LOXL2: variants seen among roughly 807,000 people sequenced by gnomAD.
The protein encoded by LOXL2 is lysyl oxidase like 2.
In LOXL2, 70 loss-of-function variants were observed where a neutral mutation model predicts 93.0. The ratio of observed to expected loss-of-function variants is 0.75; its 90% CI spans 0.62 to 0.92. The LOEUF is 0.92. LOXL2 is among the 40% of genes least tolerant of loss of function. The pLI is 0.00. For missense variants in LOXL2, 973 were observed against 1,054.9 expected (o/e 0.92, Z 1.08); for synonymous variants, 438 against 413.2 (o/e 1.06, Z -0.73).
At chr8:23,330,268 A>G (rs1336399618) in intron 5 of LOXL2, among the ~76,000 whole-genome samples, 1 of 152,248 alleles carries the variant, frequency 6.6e-6, no homozygotes, top group African/African-American at 2.4e-5. Flanking sequence ...CGGGAGGCGG[A>G]GCTTGCAGTG....
intron 10 of LOXL2, among the ~76,000 whole-genome samples, chr8:23,305,220 A>G (rs998279970): frequency 7.2e-5 from 11 of 152,218 alleles, no homozygotes; most frequent in Non-Finnish European, 1.0e-4. Context: ...GAAGAGAAAT[A>G]GGTTGATGCT....
chr8:23,307,134 C>T (rs1300224346), intron 10 of LOXL2, among the ~76,000 whole-genome samples: 1 of 152,188 alleles, frequency 6.6e-6, no homozygotes, highest in East Asian at 1.9e-4. Context: ...TGCAAATCTG[C>T]TGACATAGGC....
chr8:23,382,876 C>T (rs17768910), intron 1 of LOXL2, among the ~76,000 whole-genome samples: 17,869 of 152,144 alleles, frequency 0.12, 1,307 homozygotes, highest in Admixed American at 0.17. Context: ...ATTCTCTCTA[C>T]GTGCTGCATC....
chr8:23,317,056 T>G lies in LOXL2; in HGVS notation c.1529A>C (p.Lys510Thr), dbSNP rs781365662. The G allele has an allele frequency of 1.6e-5, 26 of 1,614,200 alleles. No individual in the cohort carries two copies. The highest frequency in any genetic ancestry group is 2.1e-5 in the Non-Finnish European group (25 of 1,180,030). The change falls in exon 9 of 14, where the codon AAG (lysine) becomes ACG (threonine). Residue 510 changes from lysine to threonine, a missense_variant. Lys to Thr is a moderately conservative substitution (Grantham distance 78, BLOSUM62 -1). Coordinates refer to ENST00000389131, the MANE Select transcript of LOXL2 (RefSeq NM_002318.3). ...NSNKVVMSGV[K>T]CSGTELSLAH... ...CAGGGACAGCTCCGTTCCCGAGCAC[T>G]TCACTCCACTCATGACCACTTTGTT...
chr8:23,298,843 G>A lies in LOXL2; in HGVS notation c.2238C>T (p.Cys746=). Residue 746 remains cysteine, a synonymous_variant, in exon 13 of 14, where the codon TGC becomes TGT. Transcript: ENST00000389131. ...GGGGCGGCCTGGCCTTACCTATGTG[G>A]CAGTTGTACATCCAGATGCGGTGGC... ...YDGHRIWMYN[C]HIGGSFSEET... is the part of the protein sequence containing the mutation. The A allele has an allele frequency of 1.2e-6, 2 of 1,609,138 alleles. No homozygotes were observed. Among genetic ancestry groups the A allele is most frequent in the South Asian group, 1.1e-5 (1 of 90,980 alleles).
chr8:23,376,010 T>C (rs993997429), intron 1 of LOXL2, among the ~76,000 whole-genome samples: 2 of 152,206 alleles, frequency 1.3e-5, no homozygotes, highest in South Asian at 4.1e-4. Context: ...CATCCCTGTC[T>C]TGTGCCAGTT....
rs370576013 is a variant in LOXL2 at position 23,342,689 on chromosome 8, A to C, written c.532-1486T>G. On this transcript the variant is annotated intron_variant, in intron 3 of 13. Coordinates refer to ENST00000389131, the MANE Select transcript of LOXL2 (RefSeq NM_002318.3). ...CTCATGATCAGCCCGCCTTGGCCTC[A>C]CAAAGTGCTGGGATTACAGGCATGA... is the stretch of plus-strand genomic sequence containing the variant. 2.5e-3 allele frequency among the ~76,000 whole-genome samples: 380 copies of C among 152,136 alleles called. 2 individuals are homozygous for C. Among genetic ancestry groups the C allele is most frequent in the African/African-American group, 8.7e-3 (362 of 41,510 alleles).
chr8:23,377,568 GA>G (rs1160695430), intron 1 of LOXL2, among the ~76,000 whole-genome samples: 1 of 150,276 alleles, frequency 6.7e-6, no homozygotes, highest in African/African-American at 2.5e-5. Flanking sequence ...TATTGTGTGG[GA>G]GTCTAAGTCT....
chr8:23,312,898 A>T, intron 9 of LOXL2, among the ~76,000 whole-genome samples: 1 of 125,574 alleles, frequency 8.0e-6, no homozygotes, highest in Admixed American at 8.4e-5. Context: ...TATCTAGAAA[A>T]CCCCATTGTC....
chr8:23,303,132 T>C (rs1388531801), intron 11 of LOXL2, 150 bp downstream of exon 11: 1 of 655,096 alleles, frequency 1.5e-6, no homozygotes, highest in East Asian at 2.8e-5. Flanking sequence ...AGCGCCTCAC[T>C]ATAGCTGAGG....
chr8:23,351,190 C>T lies in LOXL2; in HGVS notation c.531+8900G>A, dbSNP rs545665452. On this transcript the variant is annotated intron_variant, in intron 3 of 13. Transcript: ENST00000389131. ...GAATGAATAAACAGATCCTTAGCAACGGACTCCTGGGGATGGGGTCGGGGG... is the reference window on the plus strand; with the variant it reads ...GAATGAATAAACAGATCCTTAGCAATGGACTCCTGGGGATGGGGTCGGGGG... Among the ~76,000 whole-genome samples, 10 of 152,320 alleles carry T rather than the reference C, an allele frequency of 6.6e-5. 1 individual carries two copies. The highest frequency in any genetic ancestry group is 1.2e-4 in the Non-Finnish European group (8 of 68,028).
At chr8:23,361,135 G>T (rs1035626011) in intron 2 of LOXL2, among the ~76,000 whole-genome samples, 2 of 152,072 alleles carry the variant, frequency 1.3e-5, no homozygotes, top group Non-Finnish European at 2.9e-5. Flanking sequence ...TCCTGACCTC[G>T]TGATCTGCCT....
chr8:23,334,001 C>A (rs749276520), intron 4 of LOXL2, among the ~76,000 whole-genome samples: 7 of 152,176 alleles, frequency 4.6e-5, no homozygotes, highest in Non-Finnish European at 1.0e-4. Flanking sequence ...GAAGGTAAAC[C>A]ATGTTTACCC....
At position 23,319,866 on chromosome 8, in the gene LOXL2, T is replaced by C; in HGVS notation, c.1470+19A>G. 1 of 1,610,766 alleles carries C rather than the reference T, an allele frequency of 6.2e-7. No homozygotes were observed. The highest frequency in any genetic ancestry group is 8.5e-7 in the Non-Finnish European group (1 of 1,179,262). ...CTGCATGGGGGGTGAATGCGGGGTC[T>C]GAGGCCGGGGCTTCTCACCTGGAAG... On this transcript the variant is annotated intron_variant, in intron 8 of 13. Coordinates refer to ENST00000389131, the MANE Select transcript of LOXL2 (RefSeq NM_002318.3).
chr8:23,320,364 C>T (rs1029418537), intron 7 of LOXL2, among the ~76,000 whole-genome samples: 2 of 152,176 alleles, frequency 1.3e-5, no homozygotes, highest in African/African-American at 4.8e-5. Flanking sequence ...ATGGTGCCCT[C>T]GGGACCTTGA....
Position 23,313,854 on chromosome 8 carries a change from C to G in LOXL2, c.1636+3095G>C, listed in dbSNP as rs1005376147. ...CAAAAGAAACTACCATCAGAGTGAA[C>G]AGGCAACCTACAAAATGGGAGAAAA... On this transcript the variant is annotated intron_variant, in intron 9 of 13. Coordinates refer to ENST00000389131, the MANE Select transcript of LOXL2 (RefSeq NM_002318.3). Among the ~76,000 whole-genome samples, 38 of 151,562 alleles carry G rather than the reference C, an allele frequency of 2.5e-4. 1 individual carries two copies. The highest frequency in any genetic ancestry group is 1.3e-4 in the Admixed American group (2 of 15,192).
intron 7 of LOXL2, 40 bp downstream of exon 7, chr8:23,322,090 G>A (rs1299354131): frequency 6.2e-7 from 1 of 1,605,612 alleles, no homozygotes; most frequent in East Asian, 2.2e-5. Flanking sequence ...ACTTTCTGCA[G>A]CCTCAGTTAC....
At chr8:23,385,300 G>T (rs1198531607) in intron 1 of LOXL2, among the ~76,000 whole-genome samples, 5 of 148,626 alleles carry the variant, frequency 3.4e-5, no homozygotes, top group Admixed American at 1.3e-4. Flanking sequence ...AGGCTGGAGT[G>T]CAGTGGTGTG....
At chr8:23,320,619 A>C (rs764162784) in intron 7 of LOXL2, among the ~76,000 whole-genome samples, 4 of 152,178 alleles carry the variant, frequency 2.6e-5, no homozygotes, top group Non-Finnish European at 5.9e-5. Flanking sequence ...CTTTATCTTA[A>C]AAAAGAGGCT....
Sources: gnomAD v4.1 joint callset for allele counts (sites outside exome capture counted in the v4.1 genomes callset) on GRCh38, gnomAD v4.1.1 for gene constraint, MANE v1.5 for transcripts, NCBI Gene and HGNC (gene_info 2026-07-23, HGNC 2026-07-21) for gene names.